The following DPYSL2 variants were observed in gnomAD, a reference collection of about 807,000 sequenced individuals.
DPYSL2 encodes the protein dihydropyrimidinase like 2.
Under a neutral mutation model 69.9 loss-of-function variants are expected in DPYSL2, and 13 were observed. That is an observed-to-expected ratio of 0.19 (90% confidence interval 0.12 to 0.30). DPYSL2 has a LOEUF of 0.30. Ranked by LOEUF, DPYSL2 falls within the 10% of genes least tolerant of loss-of-function variation. DPYSL2 has a pLI of 1.00. For missense variants in DPYSL2, 587 were observed against 918.9 expected (o/e 0.64, Z 4.67); for synonymous variants, 326 against 359.1 (o/e 0.91, Z 1.04).
rs922839656 is a variant in DPYSL2, at chr8:26,609,383, C to T, written c.629-14760C>T. On this transcript the variant is annotated intron_variant, in intron 3 of 13. Coordinates refer to ENST00000521913, the MANE Select transcript of DPYSL2 (RefSeq NM_001197293.3). This position sits in a 1 kb window ranked among gnomAD's most constrained non-coding sequence, Gnocchi z 6.5. Reference sequence around the variant, plus strand: ...CACGTTGTGTATGTAAGTAGATGTTCTTCTGTGGGGGCTGCAAGTCCTTAA... The same window carrying T: ...CACGTTGTGTATGTAAGTAGATGTTTTTCTGTGGGGGCTGCAAGTCCTTAA... Among the ~76,000 whole-genome samples, 1 of 152,148 alleles carries T rather than the reference C, an allele frequency of 6.6e-6. No homozygotes were observed. The highest frequency in any genetic ancestry group is 1.9e-4 in the East Asian group (1 of 5,182).
At chr8:26,651,422 G>A (rs1403950165) in intron 11 of DPYSL2, among the ~76,000 whole-genome samples, 1 of 152,134 alleles carries the variant, frequency 6.6e-6, no homozygotes, top group African/African-American at 2.4e-5. Context: ...TTTATGGTTG[G>A]AGCAACCTAT....
rs2585458 is a variant in DPYSL2, at chr8:26,610,316, G to A, written c.629-13827G>A. On this transcript the variant is annotated intron_variant, in intron 3 of 13. Coordinates refer to ENST00000521913, the MANE Select transcript of DPYSL2 (RefSeq NM_001197293.3). The surrounding 1 kb of genome is among the most constrained non-coding windows in gnomAD (Gnocchi z 4.5). ...TCCTGATACATTCTGTTGGGATACA[G>A]TCCATTTGATAGGAAGGTTGTTTAC... is the stretch of plus-strand genomic sequence containing the variant. Among the ~76,000 whole-genome samples the A allele has an allele frequency of 0.035, 5,345 of 152,314 alleles. 148 individuals are homozygous for A. The highest frequency in any genetic ancestry group is 0.092 in the East Asian group (478 of 5,184).
At chr8:26,636,697 C>G (rs895476647) in intron 8 of DPYSL2, among the ~76,000 whole-genome samples, 1 of 151,854 alleles carries the variant, frequency 6.6e-6, no homozygotes, top group Non-Finnish European at 1.5e-5. Flanking sequence ...GGACCTATTA[C>G]CCCAACTCAG....
rs1053258882 is a variant in DPYSL2, at chr8:26,514,727, C to T, written c.354+48C>T. On this transcript the variant is annotated intron_variant, in intron 1 of 13. Transcript: ENST00000521913. This position sits in a 1 kb window ranked among gnomAD's most constrained non-coding sequence, Gnocchi z 8.4. ...GAGACGGAGGACGGGGCGCGGGGAT[C>T]GCCCCTCCCTCGCCCCTGAGCCCGG... 11 of 1,339,532 alleles carry T rather than the reference C, an allele frequency of 8.2e-6. No individual in the cohort carries two copies. Among genetic ancestry groups the T allele is most frequent in the Non-Finnish European group, 9.6e-6 (10 of 1,038,432 alleles). 83.0% of individuals were successfully genotyped at this position (1,339,532 alleles called of 1,614,324 possible).
intron 1 of DPYSL2, among the ~76,000 whole-genome samples, chr8:26,557,308 G>C (rs570550920): frequency 6.6e-6 from 1 of 151,980 alleles, no homozygotes; most frequent in Admixed American, 6.6e-5. Flanking sequence ...ATATGGTAAA[G>C]AACTGTTATC....
Position 26,652,271 on chromosome 8 carries a change from C to T in DPYSL2, c.1611C>T (p.Asn537=), listed in dbSNP as rs1803292740. The T allele has an allele frequency of 1.2e-6, 2 of 1,613,386 alleles. No individual in the cohort carries two copies. Among genetic ancestry groups the T allele is most frequent in the Non-Finnish European group, 1.7e-6 (2 of 1,179,744 alleles). ...AKTHNSSLEY[N]IFEGMECRGS... ...CTTCTTCTCAGTCTCTCGAGTACAA[C>T]ATCTTTGAAGGCATGGAGTGCCGCG... Residue 537 remains asparagine (N), a synonymous_variant, in exon 12 of 14, where the codon AAC becomes AAT. Coordinates refer to ENST00000521913, the MANE Select transcript of DPYSL2 (RefSeq NM_001197293.3). This position sits in a 1 kb window ranked among gnomAD's most constrained non-coding sequence, Gnocchi z 6.3.
rs1802464286 is a variant in DPYSL2 at position 26,620,834 on chromosome 8, G to A, written c.629-3309G>A. 1.3e-5 allele frequency among the ~76,000 whole-genome samples: 2 copies of A among 151,912 alleles called. No individual in the cohort carries two copies. Among genetic ancestry groups the A allele is most frequent in the Admixed American group, 1.3e-4 (2 of 15,248 alleles). ...CTATCAGGCTTCCTTATTTACATTG[G>A]CTAGAGAGCCTAACTCTAAATTTAG... On this transcript the variant is annotated intron_variant, in intron 3 of 13. Transcript: ENST00000521913. This position sits in a 1 kb window ranked among gnomAD's most constrained non-coding sequence, Gnocchi z 4.5.
At chr8:26,523,124 C>CAT (rs987120775) in intron 1 of DPYSL2, among the ~76,000 whole-genome samples, 1 of 150,850 alleles carries the variant, frequency 6.6e-6, no homozygotes, top group African/African-American at 2.4e-5. Context: ...TTTGTGTGTG[C>CAT]ATATATATGT....
At chr8:26,556,008 T>TTA (rs200041970) in intron 1 of DPYSL2, among the ~76,000 whole-genome samples, 4 of 106,572 alleles carry the variant, frequency 3.8e-5, no homozygotes, top group South Asian at 2.5e-4. Flanking sequence ...ATAGTATATA[T>TTA]TATATATATA....
intron 1 of DPYSL2, among the ~76,000 whole-genome samples, chr8:26,581,676 A>G (rs1213085606): frequency 6.6e-6 from 1 of 151,144 alleles, no homozygotes; most frequent in Non-Finnish European, 1.5e-5. Context: ...GCCCGGCCCT[A>G]TCTTCTTTAT....
intron 1 of DPYSL2, among the ~76,000 whole-genome samples, chr8:26,568,751 C>T (rs1278120389): frequency 7.4e-5 from 7 of 94,660 alleles, no homozygotes; most frequent in African/African-American, 4.4e-4. Context: ...TTCATAGTTA[C>T]CCCTTTTCCT....
intron 13 of DPYSL2, 119 bp from the exon 14 acceptor site, chr8:26,655,496 C>CAAA: frequency 1.1e-6 from 1 of 876,152 alleles, no homozygotes; most frequent in East Asian, 2.7e-5. Context: ...ACGCTGTCTC[C>CAAA]AAAAAAAAAG....
chr8:26,615,956 C>G (rs1358931789), intron 3 of DPYSL2, among the ~76,000 whole-genome samples: 1 of 152,198 alleles, frequency 6.6e-6, no homozygotes, highest in Non-Finnish European at 1.5e-5. Context: ...TACAAAGGAA[C>G]ATAGCTTTAT....
intron 10 of DPYSL2, among the ~76,000 whole-genome samples, chr8:26,645,743 T>A (rs551837562): frequency 4.2e-4 from 64 of 151,924 alleles, no homozygotes; most frequent in African/African-American, 1.3e-3. Context: ...AGAGACAGGG[T>A]TTCACCATAT....
At chr8:26,616,773 G>A (rs935688267) in intron 3 of DPYSL2, among the ~76,000 whole-genome samples, 3 of 148,898 alleles carry the variant, frequency 2.0e-5, no homozygotes, top group African/African-American at 7.5e-5. Context: ...ACCTTGAGGT[G>A]GGATTGGAGG....
At chr8:26,530,922 G>T (rs1800500854) in intron 1 of DPYSL2, among the ~76,000 whole-genome samples, 1 of 152,118 alleles carries the variant, frequency 6.6e-6, no homozygotes. Flanking sequence ...AGTTAGGTGT[G>T]GTGGCTCAGG....
intron 8 of DPYSL2, among the ~76,000 whole-genome samples, 199 bp downstream of exon 8, chr8:26,635,099 G>C (rs1054415376): frequency 4.6e-5 from 7 of 152,242 alleles, no homozygotes; most frequent in African/African-American, 1.4e-4. Context: ...GGCCTTGTTA[G>C]TATCTATTTA....
At chr8:26,518,528 T>C (rs148832359) in intron 1 of DPYSL2, among the ~76,000 whole-genome samples, 1 of 152,340 alleles carries the variant, frequency 6.6e-6, no homozygotes, top group African/African-American at 2.4e-5. Flanking sequence ...TGTATTCACA[T>C]TGTTATGCAA....
At chr8:26,618,558 A>G (rs1286862301) in intron 3 of DPYSL2, among the ~76,000 whole-genome samples, 3 of 146,288 alleles carry the variant, frequency 2.1e-5, no homozygotes, top group Admixed American at 7.0e-5. Flanking sequence ...GCCTGAAGCA[A>G]TCTGCCCACC....
Sources: gnomAD v4.1 joint callset for allele counts (sites outside exome capture counted in the v4.1 genomes callset) on GRCh38, gnomAD v4.1.1 for gene constraint, Gnocchi (gnomAD v3.1) non-coding constraint, MANE v1.5 for transcripts, NCBI Gene and HGNC (gene_info 2026-07-23, HGNC 2026-07-21) for gene names.